The following PDE4D variants were observed in gnomAD, a reference collection of about 807,000 sequenced individuals.
PDE4D encodes the protein 3',5'-cyclic-AMP phosphodiesterase 4D.
PDE4D carries 24 observed loss-of-function variants against 87.4 expected under a neutral mutation model. The observed-to-expected ratio is 0.27, with a 90% CI of 0.20 to 0.39. The LOEUF (loss-of-function observed/expected upper bound fraction) is 0.39. Among genes scored for constraint, PDE4D ranks in the 10% least tolerant of loss-of-function variants. PDE4D has a pLI of 1.00. For synonymous variants in PDE4D, 384 were observed against 383.2 expected, an observed-to-expected ratio of 1.00 and a Z score of -0.02; for missense variants, 714 against 1,041.0, an observed-to-expected ratio of 0.69 and a Z score of 4.32.
chr5:59,844,537 A>G (rs1446428056), intron 1 of PDE4D, among the ~76,000 whole-genome samples: 1 of 152,110 alleles, frequency 6.6e-6, no homozygotes, highest in Non-Finnish European at 1.5e-5. Flanking sequence ...TGATCTGGCC[A>G]GGTCAGCATT....
chr5:60,415,400 T>C (rs1157864880), intron 1 of PDE4D, among the ~76,000 whole-genome samples: 1 of 152,228 alleles, frequency 6.6e-6, no homozygotes, highest in Non-Finnish European at 1.5e-5. Context: ...TGGGAGCCCC[T>C]TTCTCGGCTG....
chr5:59,586,712 C>A, intron 1 of PDE4D: 1 of 985,236 alleles, frequency 1.0e-6, no homozygotes, highest in South Asian at 4.7e-5. Context: ...AATCTAACCG[C>A]CTTGAGTGTA....
At chr5:59,628,980 C>T (rs1005091898) in intron 1 of PDE4D, among the ~76,000 whole-genome samples, 1 of 151,946 alleles carries the variant, frequency 6.6e-6, no homozygotes, top group African/African-American at 2.4e-5. Context: ...AGGAGAAGTG[C>T]CAAACAAAAA....
At chr5:60,237,090 C>T (rs1054944899) in intron 1 of PDE4D, among the ~76,000 whole-genome samples, 2 of 151,822 alleles carry the variant, frequency 1.3e-5, no homozygotes, top group African/African-American at 4.8e-5. Context: ...AGTGACAATA[C>T]CAAATGCTTA....
intron 1 of PDE4D, among the ~76,000 whole-genome samples, chr5:59,295,600 G>C (rs567134102): frequency 4.1e-4 from 63 of 152,268 alleles, no homozygotes; most frequent in African/African-American, 1.5e-3. Flanking sequence ...GGCTTGATTA[G>C]TGGTTATAAG....
intron 1 of PDE4D, among the ~76,000 whole-genome samples, chr5:60,370,549 AC>A: frequency 6.6e-6 from 1 of 152,170 alleles, no homozygotes; most frequent in Non-Finnish European, 1.5e-5. Context: ...GAAAATGCAA[AC>A]CTGACCTTAA....
chr5:59,839,822 G>A (rs1742701814), intron 1 of PDE4D, among the ~76,000 whole-genome samples: 1 of 152,070 alleles, frequency 6.6e-6, no homozygotes, highest in African/African-American at 2.4e-5. Flanking sequence ...TATAACTGTA[G>A]CTTGCATCCA....
chr5:59,461,996 T>C (rs1800852208), intron 1 of PDE4D, among the ~76,000 whole-genome samples: 1 of 152,188 alleles, frequency 6.6e-6, no homozygotes, highest in South Asian at 2.1e-4. Context: ...TGACTGGTAG[T>C]TGCAAACTCT....
intron 1 of PDE4D, among the ~76,000 whole-genome samples, chr5:60,281,190 C>T (rs922863975): frequency 6.6e-6 from 1 of 151,906 alleles, no homozygotes; most frequent in African/African-American, 2.4e-5. Context: ...GTCAGGGGAG[C>T]TAAGTCTACC....
intron 1 of PDE4D, among the ~76,000 whole-genome samples, chr5:59,263,508 T>C (rs1309076527): frequency 4.6e-5 from 7 of 152,000 alleles, no homozygotes; most frequent in Non-Finnish European, 8.8e-5. Flanking sequence ...AAAATAATTA[T>C]TGTAAAATGA....
At chr5:59,530,970 TG>T (rs1814109527) in intron 1 of PDE4D, among the ~76,000 whole-genome samples, 1 of 152,220 alleles carries the variant, frequency 6.6e-6, no homozygotes, top group African/African-American at 2.4e-5. Context: ...TCTAAGTGAT[TG>T]TAAGAATTCA....
At chr5:60,415,935 C>T (rs1398307622) in intron 1 of PDE4D, among the ~76,000 whole-genome samples, 1 of 152,170 alleles carries the variant, frequency 6.6e-6, no homozygotes, top group African/African-American at 2.4e-5. Context: ...TGTAAATGCA[C>T]CAATCAGCAC....
At chr5:59,609,121 T>C (rs1026683097) in intron 1 of PDE4D, among the ~76,000 whole-genome samples, 1 of 152,072 alleles carries the variant, frequency 6.6e-6, no homozygotes, top group Non-Finnish European at 1.5e-5. Context: ...ATTTACATGA[T>C]TGAAGATCAT....
chr5:60,378,895 GAGAAAGAA>G (rs527943468), intron 1 of PDE4D, among the ~76,000 whole-genome samples: 1 of 151,760 alleles, frequency 6.6e-6, no homozygotes, highest in Non-Finnish European at 1.5e-5. Context: ...GAGAGAGAGA[GAGAAAGAA>G]AGAAAGAAAG....
chr5:59,567,935 C>G (rs2153694435), intron 1 of PDE4D, among the ~76,000 whole-genome samples: 1 of 152,256 alleles, frequency 6.6e-6, no homozygotes, highest in East Asian at 1.9e-4. Context: ...GGTTGGTATA[C>G]ACAAATATAT....
intron 1 of PDE4D, among the ~76,000 whole-genome samples, chr5:60,418,241 A>C (rs1217995023): frequency 6.6e-6 from 1 of 152,244 alleles, no homozygotes; most frequent in African/African-American, 2.4e-5. Context: ...AGAATTAATA[A>C]AGTTAGACTG....
At chr5:59,401,478 A>ATCTATCTATCTATCTGTCTGTCTGTCTG (rs1554161243) in intron 1 of PDE4D, among the ~76,000 whole-genome samples, 282 of 150,986 alleles carry the variant, frequency 1.9e-3, no homozygotes, top group Middle Eastern at 3.4e-3. Context: ...CTATCTATCT[A>ATCTATCTATCTATCTGTCTGTCTGTCTG]TCTATCTATT....
chr5:59,127,102 A>G (rs1424819769), intron 5 of PDE4D, among the ~76,000 whole-genome samples: 1 of 152,212 alleles, frequency 6.6e-6, no homozygotes. Context: ...TGAAATCACA[A>G]CATGCCTGCA....
At chr5:60,388,582 G>A (rs188864984) in intron 1 of PDE4D, among the ~76,000 whole-genome samples, 78 of 152,182 alleles carry the variant, frequency 5.1e-4, no homozygotes, top group Non-Finnish European at 8.2e-4. Context: ...GAGAACATGC[G>A]GTGCTTGGTT....
Sources: allele counts gnomAD v4.1 joint callset (sites outside exome capture counted in the v4.1 genomes callset), GRCh38; gene constraint gnomAD v4.1.1; transcripts MANE v1.5; gene names NCBI Gene and HGNC (gene_info 2026-07-23, HGNC 2026-07-21).